Variants in ACSL5 observed in about 807,000 individuals in gnomAD.
The protein encoded by ACSL5 is long-chain-fatty-acid--CoA ligase 5.
ACSL5 carries 50 observed loss-of-function variants against 84.9 expected under a neutral mutation model. The observed-to-expected ratio is 0.59, with a 90% CI of 0.47 to 0.75. The LOEUF (loss-of-function observed/expected upper bound fraction) is 0.75. ACSL5 is among the 30% of genes least tolerant of loss of function. ACSL5 has a pLI of 0.00. For missense variants in ACSL5, 775 were observed against 830.4 expected (o/e 0.93, Z 0.82); for synonymous variants, 280 against 300.7 (o/e 0.93, Z 0.71).
chr10:112,427,374 T>C lies in ACSL5; in HGVS notation c.*16T>C. The C allele has an allele frequency of 1.2e-6, 2 of 1,604,512 alleles. No homozygotes were observed. The highest frequency in any genetic ancestry group is 1.7e-6 in the Non-Finnish European group (2 of 1,175,708). On this transcript the variant is annotated 3_prime_UTR_variant, in exon 21 of 21. Coordinates refer to ENST00000354655, the MANE Select transcript of ACSL5 (RefSeq NM_203379.2). ...CCAGGATTAGGATAAGGTACTTAAG[T>C]ACCTGCCGGCCCACTGTGCACTGCT...
chr10:112,422,572 C>T (rs1384215885), intron 17 of ACSL5, 131 bp downstream of exon 17: 3 of 793,406 alleles, frequency 3.8e-6, no homozygotes, highest in Non-Finnish European at 6.2e-6. Flanking sequence ...AGGTTTGTAC[C>T]CTACCTGGCT....
At chr10:112,398,046 T>C (rs200375283) in intron 2 of ACSL5, among the ~76,000 whole-genome samples, 1 of 688 alleles carries the variant, frequency 1.5e-3, no homozygotes, top group Non-Finnish European at 2.7e-3. Flanking sequence ...CTTTTCTTTT[T>C]TTTTTTTTTT....
chr10:112,403,341 G>A lies in ACSL5; in HGVS notation c.266-1170G>A, dbSNP rs142106972. Among the ~76,000 whole-genome samples, 12 of 152,370 alleles carry A rather than the reference G, an allele frequency of 7.9e-5. No homozygotes were observed. In the South Asian group the frequency reaches 1.7e-3, roughly 21 times the overall value. On this transcript the variant is annotated intron_variant, in intron 3 of 20. Coordinates refer to ENST00000354655, the MANE Select transcript of ACSL5 (RefSeq NM_203379.2). ...TTGCTCTTGTTGCCCAGGCTGGAGT[G>A]CAATGGCACGATCTCAACTCATCGC...
In ACSL5 at chr10:112,425,456, T is replaced by C; in HGVS notation, c.1712T>C (p.Ile571Thr). ...AACAGGAGTCAACCAGTGTTACAAA[T>C]TTTTGTACACGGGGAGAGCTTACGG... is the stretch of plus-strand genomic sequence containing the variant. ...IYNRSQPVLQ[I>T]FVHGESLRSS... The change falls in exon 18 of 21, where the codon ATT (isoleucine) becomes ACT (threonine). Residue 571 changes from isoleucine to threonine, a missense_variant. Physicochemically the swap from Ile to Thr is moderately conservative, Grantham distance 89. Transcript: ENST00000354655. The C allele has an allele frequency of 6.2e-7, 1 of 1,612,722 alleles. No homozygotes were observed. The highest frequency in any genetic ancestry group is 8.5e-7 in the Non-Finnish European group (1 of 1,179,444).
In ACSL5 at chr10:112,408,516, A is replaced by C. The variant is rs771314917; in HGVS notation, c.527A>C (p.Asn176Thr). ...LGPEAIVHIVNKADIAMVICD... is the reference protein window; with the variant it reads ...LGPEAIVHIVTKADIAMVICD... ...CCAGAAGCCATCGTACATATTGTCA[A>C]CAAGGGTAAAATTTTGCTGTTACAT... is the stretch of plus-strand genomic sequence containing the variant. Residue 176 changes from asparagine (N) to threonine (T), a missense_variant, in exon 6 of 21, where the codon AAC becomes ACC. Asn to Thr is a moderately conservative substitution (Grantham distance 65, BLOSUM62 0). Transcript: ENST00000354655. 1.2e-6 allele frequency: 2 copies of C among 1,602,154 alleles called. No individual in the cohort carries two copies. The highest frequency in any genetic ancestry group is 1.7e-6 in the Non-Finnish European group (2 of 1,169,262).
chr10:112,378,514 T>C (rs1703783976), intron 1 of ACSL5, among the ~76,000 whole-genome samples: 1 of 152,114 alleles, frequency 6.6e-6, no homozygotes, highest in African/African-American at 2.4e-5. Flanking sequence ...CCCAAAGTGC[T>C]GGGATTACAG....
At chr10:112,404,914 C>CA (rs1843995885) in intron 5 of ACSL5, 108 bp downstream of exon 5, 5 of 987,080 alleles carry the variant, frequency 5.1e-6, no homozygotes, top group Admixed American at 2.4e-5. Context: ...CTTACCAAAG[C>CA]TATTGTTAAA....
chr10:112,400,350 G>C (rs1053846738), intron 3 of ACSL5, among the ~76,000 whole-genome samples: 1 of 150,516 alleles, frequency 6.6e-6, no homozygotes, highest in African/African-American at 2.4e-5. Context: ...CAAGTAGCTA[G>C]GACTACAGGC....
chr10:112,409,748 G>C (rs1356459968), intron 7 of ACSL5, 63 bp downstream of exon 7: 6 of 1,530,614 alleles, frequency 3.9e-6, no homozygotes, highest in East Asian at 2.3e-5. Flanking sequence ...CAACTTGCAA[G>C]ATACCTTCCC....
intron 5 of ACSL5, among the ~76,000 whole-genome samples, chr10:112,407,438 G>A (rs958144940): frequency 1.3e-5 from 2 of 152,014 alleles, no homozygotes; most frequent in African/African-American, 4.8e-5. Context: ...TGGCCAGGAT[G>A]GTCTCAATCT....
chr10:112,414,542 G>C (rs1033901393), intron 12 of ACSL5, among the ~76,000 whole-genome samples: 25 of 151,850 alleles, frequency 1.6e-4, no homozygotes, highest in African/African-American at 6.1e-4. Context: ...TTTTTTAGTA[G>C]AGATGGGGTT....
rs111716606 is a variant in ACSL5 at position 112,393,016 on chromosome 10, C to T, written c.-29-1902C>T. ...GAGAGCACAAAACAGGCACGGGCTT[C>T]TCCTCCCCTTTGGTACTGCCACCTG... On this transcript the variant is annotated intron_variant, in intron 1 of 20. Transcript: ENST00000354655. 1.9e-3 allele frequency among the ~76,000 whole-genome samples: 296 copies of T among 152,282 alleles called. 1 individual carries two copies. Among genetic ancestry groups the T allele is most frequent in the Middle Eastern group, 6.8e-3 (2 of 294 alleles).
intron 2 of ACSL5, 92 bp from the exon 3 acceptor site, chr10:112,398,808 CG>C: frequency 9.9e-7 from 1 of 1,010,178 alleles, no homozygotes; most frequent in Non-Finnish European, 1.6e-6. Context: ...ACCTCAAAAT[CG>C]GCATTTATGG....
intron 14 of ACSL5, among the ~76,000 whole-genome samples, chr10:112,418,538 C>A (rs189615859): frequency 6.6e-6 from 1 of 151,830 alleles, no homozygotes; most frequent in Non-Finnish European, 1.5e-5. Flanking sequence ...GCTGAGATTG[C>A]GCCACTGCAC....
At chr10:112,416,337 G>A (rs938395545) in intron 12 of ACSL5, among the ~76,000 whole-genome samples, 12 of 152,040 alleles carry the variant, frequency 7.9e-5, no homozygotes, top group Non-Finnish European at 8.8e-5. Flanking sequence ...TGGGCGTGGT[G>A]GCGGGTGCCT....
intron 1 of ACSL5, 109 bp from the exon 2 acceptor site, chr10:112,394,809 C>CGTGTGTGTGTGTATGTGT: frequency 6.6e-7 from 1 of 1,504,236 alleles, no homozygotes; most frequent in Non-Finnish European, 8.9e-7. Flanking sequence ...GGCGTGCGCG[C>CGTGTGTGTGTGTATGTGT]GTGTGTGTGT....
At chr10:112,375,864 C>T (rs532609165) in intron 1 of ACSL5, among the ~76,000 whole-genome samples, 9 of 152,222 alleles carry the variant, frequency 5.9e-5, no homozygotes, top group African/African-American at 1.4e-4. Flanking sequence ...TGGAGAGAGG[C>T]GGGGTAGAAG....
At chr10:112,378,482 A>G (rs903921622) in intron 1 of ACSL5, among the ~76,000 whole-genome samples, 2 of 151,966 alleles carry the variant, frequency 1.3e-5, no homozygotes, top group Admixed American at 1.3e-4. Flanking sequence ...CCTGACCTCA[A>G]GTTATCTGCC....
At position 112,394,999 on chromosome 10, in the gene ACSL5, T is replaced by A; in HGVS notation, c.53T>A (p.Ile18Asn). The A allele has an allele frequency of 6.2e-7, 1 of 1,614,100 alleles. No homozygotes were observed. Among genetic ancestry groups the A allele is most frequent in the Non-Finnish European group, 8.5e-7 (1 of 1,180,024 alleles). ...TCCCCACTTCCGACCCCGGCGTTGA[T>A]CTGCATCCTGACATTTGGAGCTGCC... The part of the protein sequence containing the change: ...LFSPLPTPAL[I>N]CILTFGAAIF... Residue 18 changes from isoleucine to asparagine, a missense_variant, in exon 2 of 21, where the codon ATC (isoleucine) becomes AAC (asparagine). Physicochemically the swap from Ile to Asn is moderately radical, Grantham distance 149. Coordinates refer to ENST00000354655, the MANE Select transcript of ACSL5 (RefSeq NM_203379.2).
Sources: allele counts gnomAD v4.1 joint callset (sites outside exome capture counted in the v4.1 genomes callset), GRCh38; gene constraint gnomAD v4.1.1; transcripts MANE v1.5; gene names NCBI Gene and HGNC (gene_info 2026-07-23, HGNC 2026-07-21).